The following NMT1 variants were observed in gnomAD, a reference collection of about 807,000 sequenced individuals.
NMT1 encodes the protein glycylpeptide N-tetradecanoyltransferase 1.
Under a neutral mutation model 63.4 loss-of-function variants are expected in NMT1, and 12 were observed. The ratio of observed to expected loss-of-function variants is 0.19; its 90% CI spans 0.12 to 0.31. The LOEUF is 0.31. Ranked by LOEUF, NMT1 falls within the 10% of genes least tolerant of loss-of-function variation. The pLI, the probability that NMT1 is intolerant of heterozygous loss-of-function variation, is 1.00. For missense variants in NMT1, 432 were observed against 634.6 expected (o/e 0.68, Z 3.43); for synonymous variants, 228 against 234.3 (o/e 0.97, Z 0.25).
intron 1 of NMT1, among the ~76,000 whole-genome samples, chr17:45,065,179 T>C (rs780775811): frequency 2.0e-5 from 3 of 152,192 alleles, no homozygotes; most frequent in Non-Finnish European, 4.4e-5. Context: ...GTATTTGCTG[T>C]ATGAATGAAT....
At chr17:45,092,023 C>T (rs1052459118) in intron 3 of NMT1, among the ~76,000 whole-genome samples, 4 of 152,062 alleles carry the variant, frequency 2.6e-5, no homozygotes, top group Non-Finnish European at 5.9e-5. Context: ...CCCATCTCGC[C>T]AGTCATGAGT....
chr17:45,089,201 AT>A (rs746098819), intron 3 of NMT1, among the ~76,000 whole-genome samples: 11 of 151,368 alleles, frequency 7.3e-5, no homozygotes, highest in African/African-American at 2.7e-4. Flanking sequence ...TCTTGCCCTA[AT>A]TTTTTTTTCA....
intron 1 of NMT1, among the ~76,000 whole-genome samples, chr17:45,074,623 A>C (rs1598005587): frequency 6.6e-6 from 1 of 152,180 alleles, no homozygotes; most frequent in South Asian, 2.1e-4. Context: ...GAGTTGATCA[A>C]CTTTAGAATA....
At chr17:45,092,265 C>A (rs922073322) in intron 3 of NMT1, among the ~76,000 whole-genome samples, 8 of 152,132 alleles carry the variant, frequency 5.3e-5, no homozygotes, top group African/African-American at 1.9e-4. Context: ...CTGGCATGGT[C>A]ACTGAGTCAC....
At chr17:45,096,106 CCTT>C in intron 4 of NMT1, 85 bp from the exon 5 acceptor site, 1 of 961,852 alleles carries the variant, frequency 1.0e-6, no homozygotes, top group Non-Finnish European at 1.6e-6. Context: ...TTTGCTTCAT[CCTT>C]CTGAAAAGCC....
Position 45,104,100 on chromosome 17 carries a change from C to T in NMT1, c.1332+224C>T. On this transcript the variant is annotated intron_variant, in intron 10 of 11. Coordinates refer to ENST00000258960, the MANE Select transcript of NMT1 (RefSeq NM_021079.5). This position sits in a 1 kb window ranked among gnomAD's most constrained non-coding sequence, Gnocchi z 4.2. ...GCATTGAACTCCTCCTGATTCATTT[C>T]AGTGAGTTTCGTTCTCACAGGAGGC... is the stretch of plus-strand genomic sequence containing the variant. 6.9e-7 allele frequency: 1 copy of T among 1,445,614 alleles called. No individual in the cohort carries two copies. 89.5% of individuals were successfully genotyped at this position (1,445,614 alleles called of 1,614,324 possible).
intron 1 of NMT1, among the ~76,000 whole-genome samples, chr17:45,081,124 G>A (rs2054014608): frequency 1.3e-5 from 2 of 152,154 alleles, no homozygotes; most frequent in Admixed American, 1.3e-4. Flanking sequence ...CAATGTTAAT[G>A]TGCCTTTTTC....
chr17:45,079,531 G>A (rs1278676140), intron 1 of NMT1, among the ~76,000 whole-genome samples: 1 of 152,162 alleles, frequency 6.6e-6, no homozygotes, highest in Non-Finnish European at 1.5e-5. Flanking sequence ...GTAACATAGG[G>A]AGACCCCTGT....
At chr17:45,102,388 C>T (rs1375360003) in intron 8 of NMT1, among the ~76,000 whole-genome samples, 1 of 152,194 alleles carries the variant, frequency 6.6e-6, no homozygotes, top group Non-Finnish European at 1.5e-5. Context: ...GGGATAAAAT[C>T]CTGGGAGTAT....
rs761355638 is a variant in NMT1, at chr17:45,104,017, C to T, written c.1332+141C>T. 2.1e-5 allele frequency: 34 copies of T among 1,589,096 alleles called. No homozygotes were observed. The highest frequency in any genetic ancestry group is 4.5e-5 in the South Asian group (4 of 89,564). On this transcript the variant is annotated intron_variant, in intron 10 of 11. Transcript: ENST00000258960. This position sits in a 1 kb window ranked among gnomAD's most constrained non-coding sequence, Gnocchi z 4.2. ...ATCTGTTCTGCTTAGGCAGGGTTCC[C>T]GCAGTTTTTAGGCAGAAACTCAAAA...
intron 1 of NMT1, among the ~76,000 whole-genome samples, chr17:45,076,033 G>T (rs1383562979): frequency 6.6e-6 from 1 of 152,134 alleles, no homozygotes; most frequent in East Asian, 1.9e-4. Flanking sequence ...TTGTGCCATT[G>T]TACTCCAGCC....
At chr17:45,072,261 A>G (rs982388556) in intron 1 of NMT1, among the ~76,000 whole-genome samples, 2 of 151,486 alleles carry the variant, frequency 1.3e-5, no homozygotes, top group African/African-American at 4.8e-5. Context: ...TTACAAAAAA[A>G]AAAAAACTCA....
intron 3 of NMT1, among the ~76,000 whole-genome samples, chr17:45,086,968 G>T (rs975124704): frequency 6.7e-6 from 1 of 150,128 alleles, no homozygotes; most frequent in African/African-American, 2.5e-5. Context: ...AGACCAGCCT[G>T]GGCAACATAG....
intron 3 of NMT1, 31 bp from the exon 4 acceptor site, chr17:45,093,654 G>A (rs1455511009): frequency 6.3e-7 from 1 of 1,598,262 alleles, no homozygotes; most frequent in African/African-American, 1.3e-5. Context: ...GGGGGCAAAG[G>A]GTGAGGCTCA....
At chr17:45,078,952 C>T (rs187496288) in intron 1 of NMT1, among the ~76,000 whole-genome samples, 1 of 152,080 alleles carries the variant, frequency 6.6e-6, no homozygotes, top group Non-Finnish European at 1.5e-5. Context: ...CATGACCCAC[C>T]ATGCTGGACC....
chr17:45,066,879 AT>A lies in NMT1; in HGVS notation c.131+5423del, dbSNP rs1339977848. On this transcript the variant is annotated intron_variant, in intron 1 of 11. Transcript: ENST00000258960. Reference sequence around the variant, plus strand: ...AGACATGCACCATCATCCCTGGCTAATTTTCTTTTTAAAAAGTTTCTGTAGA... The same window carrying A: ...AGACATGCACCATCATCCCTGGCTAATTTCTTTTTAAAAAGTTTCTGTAGA... Among the ~76,000 whole-genome samples, 5 of 151,694 alleles carry A rather than the reference AT, an allele frequency of 3.3e-5. No individual in the cohort carries two copies. In the East Asian group the frequency reaches 9.7e-4, roughly 29 times the overall value.
chr17:45,083,930 T>C (rs1236357841), intron 2 of NMT1, among the ~76,000 whole-genome samples: 2 of 152,168 alleles, frequency 1.3e-5, no homozygotes, highest in African/African-American at 4.8e-5. Context: ...TTTAATAAAC[T>C]GCAAGGGGAA....
chr17:45,062,069 A>C (rs921437792), intron 1 of NMT1, among the ~76,000 whole-genome samples: 1 of 152,234 alleles, frequency 6.6e-6, no homozygotes, highest in Non-Finnish European at 1.5e-5. Flanking sequence ...TATTAATATA[A>C]TTAAGTCTTC....
intron 2 of NMT1, 35 bp from the exon 3 acceptor site, chr17:45,086,473 T>C: frequency 6.3e-7 from 1 of 1,580,522 alleles, no homozygotes; most frequent in African/African-American, 1.4e-5. Context: ...ACTAACATAA[T>C]GGGCCTTTTT....
Sources: gnomAD v4.1 joint callset for allele counts (sites outside exome capture counted in the v4.1 genomes callset) on GRCh38, gnomAD v4.1.1 for gene constraint, Gnocchi (gnomAD v3.1) non-coding constraint, MANE v1.5 for transcripts, NCBI Gene and HGNC (gene_info 2026-07-23, HGNC 2026-07-21) for gene names.